The following RBM43 variants were observed in gnomAD, a reference collection of about 807,000 sequenced individuals.
RBM43 encodes RNA binding motif protein 43.
A neutral mutation model predicts 12.4 loss-of-function variants in RBM43; 12 were observed. That is an observed-to-expected ratio of 0.97 (90% CI 0.62 to 1.57). The LOEUF (loss-of-function observed/expected upper bound fraction) is 1.57. RBM43 is among the 40% of genes most tolerant of loss of function. The probability of loss-of-function intolerance (pLI) is 0.00; values close to 1 mark genes in which losing one functional copy is unlikely to be tolerated. For missense variants in RBM43, 348 were observed against 400.1 expected (o/e 0.87, Z 1.11); for synonymous variants, 138 against 145.7 (o/e 0.95, Z 0.38).
At position 151,261,269 on chromosome 2, in the gene RBM43, G is replaced by A. The variant is rs189739228; in HGVS notation, c.3+456C>T. 8.7e-4 allele frequency: 1,349 copies of A among 1,550,280 alleles called. 5 individuals carry two copies. Among genetic ancestry groups the A allele is most frequent in the South Asian group, 3.3e-3 (275 of 84,050 alleles). On this transcript the variant is annotated intron_variant, in intron 1 of 3. Coordinates refer to ENST00000331426, the MANE Select transcript of RBM43 (RefSeq NM_198557.3). Reference sequence around the variant, plus strand: ...TCCTTGGCTCGAATCGTTCTTATTAGCCCTTTTCAAAAGGCAGCTGTGACC... The same window carrying A: ...TCCTTGGCTCGAATCGTTCTTATTAACCCTTTTCAAAAGGCAGCTGTGACC...
rs1682865653 is a variant in RBM43 at position 151,249,474 on chromosome 2, T to C, written c.*1432A>G. ...CTCACTGCAAGCTCCACCTCCCGGGTTCACGCCATTCTCCTGCCTCAGCCT... is the reference window on the plus strand; with the variant it reads ...CTCACTGCAAGCTCCACCTCCCGGGCTCACGCCATTCTCCTGCCTCAGCCT... On this transcript the variant is annotated 3_prime_UTR_variant, in exon 4 of 4. Coordinates refer to ENST00000331426, the MANE Select transcript of RBM43 (RefSeq NM_198557.3). 2 of 148,384 alleles carry C rather than the reference T, an allele frequency of 1.3e-5. No homozygotes were observed. Among genetic ancestry groups the C allele is most frequent in the African/African-American group, 5.0e-5 (2 of 40,178 alleles). 9.2% of individuals were successfully genotyped at this position (148,384 alleles called of 1,614,324 possible). A position where few individuals can be genotyped will look rare whatever the true frequency, so the allele number is the denominator to read the frequency against.
At position 151,248,154 on chromosome 2, in the gene RBM43, C is replaced by T. The variant is rs892451496; in HGVS notation, c.*2752G>A. 8 of 151,840 alleles carry T rather than the reference C, an allele frequency of 5.3e-5. No individual in the cohort carries two copies. The highest frequency in any genetic ancestry group is 2.6e-4 in the Admixed American group (4 of 15,242). 9.4% of individuals were successfully genotyped at this position (151,840 alleles called of 1,614,324 possible). On this transcript the variant is annotated 3_prime_UTR_variant, in exon 4 of 4. Coordinates refer to ENST00000331426, the MANE Select transcript of RBM43 (RefSeq NM_198557.3). ...TCACTCACCAGTGCACTAAATTGAA[C>T]AAAAAATAGTTAACTGTGAAAGTGT...
At position 151,251,191 on chromosome 2, in the gene RBM43, G is replaced by A; in HGVS notation, c.789C>T (p.Ser263=). The change falls in exon 4 of 4, where the codon AGC becomes AGT. Residue 263 remains serine (S), a synonymous_variant. Transcript: ENST00000331426. ...DGEITTICLK[S]IQVGSQPNNA... ...TGTTTGGCTGAGAACCAACTTGAAT[G>A]CTTTTTAGACAAATTGTGGTGATTT... The A allele has an allele frequency of 6.2e-7, 1 of 1,613,918 alleles. No homozygotes were observed. The highest frequency in any genetic ancestry group is 8.5e-7 in the Non-Finnish European group (1 of 1,180,022).
chr2:151,257,475 T>C (rs1488786225), intron 1 of RBM43, among the ~76,000 whole-genome samples: 1 of 152,104 alleles, frequency 6.6e-6, no homozygotes, highest in African/African-American at 2.4e-5. Flanking sequence ...GCAGATCACC[T>C]GAGGTTGGGA....
At chr2:151,261,253 C>T (rs1368600258) in intron 1 of RBM43, 2 of 1,544,536 alleles carry the variant, frequency 1.3e-6, no homozygotes, top group Non-Finnish European at 1.8e-6. Flanking sequence ...GTCCTTGGCT[C>T]GAATCGTTCT....
chr2:151,256,751 G>A (rs888364977), intron 1 of RBM43, among the ~76,000 whole-genome samples: 8 of 152,134 alleles, frequency 5.3e-5, no homozygotes, highest in Admixed American at 1.3e-4. Context: ...CCCAGGAGGC[G>A]GGGGTTGCAG....
Position 151,250,933 on chromosome 2 carries a change from C to A in RBM43, c.1047G>T (p.Met349Ile). The A allele has an allele frequency of 6.3e-7, 1 of 1,598,092 alleles. No homozygotes were observed. Among genetic ancestry groups the A allele is most frequent in the East Asian group, 2.2e-5 (1 of 44,658 alleles). Residue 349 changes from methionine (M) to isoleucine (I), a missense_variant, in exon 4 of 4, where the codon ATG (methionine) becomes ATT (isoleucine). Met to Ile is a conservative substitution (Grantham distance 10, BLOSUM62 1). Coordinates refer to ENST00000331426, the MANE Select transcript of RBM43 (RefSeq NM_198557.3). ...AACTAACCTTTTGCCCTATTAATTT[C>A]ATGACCCCTTTTTTAAACAGGTAAG... ...SDTYLFKKGVMKLIGQKVS is the reference protein window; with the variant it reads ...SDTYLFKKGVIKLIGQKVS
chr2:151,254,110 A>C (rs1682944035), intron 2 of RBM43, among the ~76,000 whole-genome samples: 1 of 152,058 alleles, frequency 6.6e-6, no homozygotes, highest in Non-Finnish European at 1.5e-5. Flanking sequence ...GTTTTATATA[A>C]ATAAATAAAG....
Position 151,250,598 on chromosome 2 carries a change from C to CAA in RBM43, c.*306_*307dup, listed in dbSNP as rs34911765. The CAA allele has an allele frequency of 0.39, 48,233 of 122,808 alleles. 10,114 individuals carry two copies. The highest frequency in any genetic ancestry group is 0.48 in the Admixed American group (5,359 of 11,050). 7.6% of individuals were successfully genotyped at this position (122,808 alleles called of 1,614,324 possible). ...TGGACAACAGAGCGAGACTCCATCTCAAAAAAAAAAAAAAAAAAGTTTGGT... is the reference window on the plus strand; with the variant it reads ...TGGACAACAGAGCGAGACTCCATCTCAAAAAAAAAAAAAAAAAAAAGTTTGGT... On this transcript the variant is annotated 3_prime_UTR_variant, in exon 4 of 4. Coordinates refer to ENST00000331426, the MANE Select transcript of RBM43 (RefSeq NM_198557.3).
chr2:151,251,898 A>G (rs968831813), intron 3 of RBM43, among the ~76,000 whole-genome samples: 3 of 152,192 alleles, frequency 2.0e-5, no homozygotes, highest in African/African-American at 4.8e-5. Flanking sequence ...ACAGGCTCAA[A>G]TAATTTTTAG....
chr2:151,255,613 T>C lies in RBM43; in HGVS notation c.134A>G (p.Asn45Ser), dbSNP rs769177407. ...LVKSHFQDIKNEGGDVEDVIY... is the reference protein window; with the variant it reads ...LVKSHFQDIKSEGGDVEDVIY... ...CACATCTTCAACATCTCCGCCCTCA[T>C]TCTTAATGTCTTGGAAGTGGCTCTT... The change falls in exon 2 of 4, where the codon AAT becomes AGT. Residue 45 changes from asparagine (N) to serine (S), a missense_variant. Asn to Ser is a conservative substitution (Grantham distance 46). Coordinates refer to ENST00000331426, the MANE Select transcript of RBM43 (RefSeq NM_198557.3). The C allele has an allele frequency of 1.9e-5, 31 of 1,613,920 alleles. No homozygotes were observed. The Admixed American group carries it at 4.5e-4, about 23-fold the overall frequency.
chr2:151,260,824 G>A (rs147607759), intron 1 of RBM43, among the ~76,000 whole-genome samples: 1 of 152,304 alleles, frequency 6.6e-6, no homozygotes, highest in African/African-American at 2.4e-5. Context: ...TTTGAAACGA[G>A]CAGCTTTTAG....
chr2:151,254,188 T>A (rs1682944830), intron 2 of RBM43, among the ~76,000 whole-genome samples: 1 of 152,054 alleles, frequency 6.6e-6, no homozygotes, highest in Non-Finnish European at 1.5e-5. Flanking sequence ...AAAAAAAGGC[T>A]TTGCCTATTT....
At chr2:151,261,638 G>A in intron 1 of RBM43, 87 bp downstream of exon 1, 2 of 1,553,690 alleles carry the variant, frequency 1.3e-6, no homozygotes, top group Non-Finnish European at 1.7e-6. Context: ...CTGGCCCGTC[G>A]CGCCCGGTTC....
In RBM43 at chr2:151,251,682, G is replaced by A; in HGVS notation, c.316-18C>T. 6.3e-7 allele frequency: 1 copy of A among 1,596,658 alleles called. No individual in the cohort carries two copies. Among genetic ancestry groups the A allele is most frequent in the Non-Finnish European group, 8.5e-7 (1 of 1,173,774 alleles). ...CTGAAGATCTGAAATTAAAAAGAGA[G>A]AAATGAAAACAGTACTGCCTAGTGG... On this transcript the variant is annotated intron_variant, in intron 3 of 3. Transcript: ENST00000331426.
chr2:151,260,100 G>A (rs927270161), intron 1 of RBM43, among the ~76,000 whole-genome samples: 6 of 150,630 alleles, frequency 4.0e-5, no homozygotes, highest in Non-Finnish European at 8.9e-5. Context: ...TCCTGACCTC[G>A]TGATCCGCTC....
In RBM43 at chr2:151,250,980, T is replaced by A. The variant is rs751263703; in HGVS notation, c.1000A>T (p.Ile334Phe). 6.2e-7 allele frequency: 1 copy of A among 1,612,434 alleles called. No homozygotes were observed. The highest frequency in any genetic ancestry group is 8.5e-7 in the Non-Finnish European group (1 of 1,178,942). Residue 334 changes from isoleucine to phenylalanine, a missense_variant, in exon 4 of 4, where the codon ATT becomes TTT. Coordinates refer to ENST00000331426, the MANE Select transcript of RBM43 (RefSeq NM_198557.3). ...TAAGTGTCAGAAGAAGATCCTATAA[T>A]GTCAATGTGTGTCCTATAAAGGTTA... Reference protein sequence around the residue: ...LINLYRTHIDIIGSSSDTYLF... With the variant: ...LINLYRTHIDFIGSSSDTYLF...
chr2:151,261,175 T>C, intron 1 of RBM43: 18 of 1,434,384 alleles, frequency 1.3e-5, no homozygotes, highest in Non-Finnish European at 1.7e-5. Flanking sequence ...AGGATAAATT[T>C]TGAATTTGCT....
chr2:151,260,567 T>A (rs1683033231), intron 1 of RBM43, among the ~76,000 whole-genome samples: 1 of 152,226 alleles, frequency 6.6e-6, no homozygotes, highest in Non-Finnish European at 1.5e-5. Flanking sequence ...AACCAGTATT[T>A]TTAGAAGAAA....
Sources: allele counts gnomAD v4.1 joint callset (sites outside exome capture counted in the v4.1 genomes callset), GRCh38; gene constraint gnomAD v4.1.1; transcripts MANE v1.5; gene names NCBI Gene and HGNC (gene_info 2026-07-23, HGNC 2026-07-21).